Variants in TMEM221 observed in about 807,000 individuals in gnomAD.
TMEM221 encodes the protein transmembrane protein 221.
TMEM221 carries 11 observed loss-of-function variants against 10.2 expected under a neutral mutation model. The ratio of observed to expected loss-of-function variants is 1.08; its 90% CI spans 0.68 to 1.79. TMEM221 has a LOEUF of 1.79. Among genes scored for constraint, TMEM221 ranks in the 40% most tolerant of loss-of-function variants. The pLI, the probability that TMEM221 is intolerant of heterozygous loss-of-function variation, is 0.00. For missense variants in TMEM221, 382 were observed against 417.7 expected (o/e 0.91, Z 0.75); for synonymous variants, 172 against 199.8 (o/e 0.86, Z 1.18).
chr19:17,436,455 G>A lies in TMEM221; in HGVS notation c.*3C>T, dbSNP rs1251821530. The A allele has an allele frequency of 1.3e-6, 2 of 1,501,668 alleles. No individual in the cohort carries two copies. The highest frequency in any genetic ancestry group is 4.0e-5 in the Admixed American group (2 of 49,452). 93.0% of individuals were successfully genotyped at this position (1,501,668 alleles called of 1,614,324 possible). A position where few individuals can be genotyped will look rare whatever the true frequency, so the allele number is the denominator to read the frequency against. On this transcript the variant is annotated 3_prime_UTR_variant, in exon 3 of 3. Coordinates refer to ENST00000341130, the MANE Select transcript of TMEM221 (RefSeq NM_001190844.2). ...ACCAGGTCTCTATTCCTCATCCCTG[G>A]GCTCACACCAGTGTGGAGTCCTTCC...
intron 2 of TMEM221, among the ~76,000 whole-genome samples, chr19:17,442,378 C>A (rs185641934): frequency 6.6e-6 from 1 of 152,078 alleles, no homozygotes; most frequent in Non-Finnish European, 1.5e-5. Flanking sequence ...CTGCCTTCAG[C>A]CTCCTGAGTA....
chr19:17,441,515 G>C (rs2074931798), intron 2 of TMEM221, among the ~76,000 whole-genome samples: 1 of 152,156 alleles, frequency 6.6e-6, no homozygotes, highest in African/African-American at 2.4e-5. Flanking sequence ...TGGCATCAAT[G>C]ATGTCCTCAT....
At chr19:17,445,367 C>A in intron 1 of TMEM221, 83 bp from the exon 2 acceptor site, 1 of 1,186,552 alleles carries the variant, frequency 8.4e-7, no homozygotes, top group South Asian at 1.4e-5. Flanking sequence ...GGAGGGAGAG[C>A]CGCTTAAATG....
intron 2 of TMEM221, among the ~76,000 whole-genome samples, chr19:17,443,304 T>C (rs947303758): frequency 7.9e-6 from 1 of 126,622 alleles, no homozygotes; most frequent in Admixed American, 8.2e-5. Context: ...TTAATATATC[T>C]TTTTAAACAT....
At chr19:17,439,958 G>A (rs187177968) in intron 2 of TMEM221, among the ~76,000 whole-genome samples, 9 of 152,288 alleles carry the variant, frequency 5.9e-5, no homozygotes, top group Admixed American at 5.9e-4. Context: ...TGGAAGCCGA[G>A]GTGAGAGGTT....
At chr19:17,442,498 G>A (rs1349591606) in intron 2 of TMEM221, among the ~76,000 whole-genome samples, 2 of 150,182 alleles carry the variant, frequency 1.3e-5, no homozygotes, top group East Asian at 3.9e-4. Flanking sequence ...GGAGTGCAGT[G>A]GCATGATCTT....
chr19:17,447,619 C>T (rs1018139972), intron 1 of TMEM221, among the ~76,000 whole-genome samples: 7 of 152,200 alleles, frequency 4.6e-5, no homozygotes, highest in South Asian at 2.1e-4. Context: ...TGTGGGACAG[C>T]GGAGTCCTCA....
chr19:17,443,389 G>C (rs1328709438), intron 2 of TMEM221, among the ~76,000 whole-genome samples: 1 of 151,660 alleles, frequency 6.6e-6, no homozygotes, highest in South Asian at 2.1e-4. Flanking sequence ...GCAGTTGCAC[G>C]ATCTTGGCTC....
chr19:17,438,466 C>G (rs960545489), intron 2 of TMEM221, among the ~76,000 whole-genome samples: 1 of 152,192 alleles, frequency 6.6e-6, no homozygotes, highest in African/African-American at 2.4e-5. Flanking sequence ...GCAAGTGGTC[C>G]TCTAGCCTTG....
At chr19:17,438,472 C>A (rs988633108) in intron 2 of TMEM221, among the ~76,000 whole-genome samples, 1 of 152,140 alleles carries the variant, frequency 6.6e-6, no homozygotes, top group Non-Finnish European at 1.5e-5. Context: ...GGTCCTCTAG[C>A]CTTGGCCTGC....
In TMEM221 at chr19:17,442,478, C is replaced by T. The variant is rs538437279; in HGVS notation, c.406+2721G>A. Among the ~76,000 whole-genome samples the T allele has an allele frequency of 5.4e-5, 8 of 148,220 alleles. No individual in the cohort carries two copies. In the South Asian group the frequency reaches 1.3e-3, roughly 23 times the overall value. On this transcript the variant is annotated intron_variant, in intron 2 of 2. Transcript: ENST00000341130. ...TTTTTTAGATGGCATCTCACTCTGTCGCCCAGGCTGGAGTGCAGTGGCATG... is the reference window on the plus strand; with the variant it reads ...TTTTTTAGATGGCATCTCACTCTGTTGCCCAGGCTGGAGTGCAGTGGCATG...
Position 17,437,243 on chromosome 19 carries a change from A to G in TMEM221, c.407-316T>C, listed in dbSNP as rs8102835. Among the ~76,000 whole-genome samples, 1,026 of 152,262 alleles carry G rather than the reference A, an allele frequency of 6.7e-3. 12 individuals carry two copies. Among genetic ancestry groups the G allele is most frequent in the African/African-American group, 0.023 (970 of 41,550 alleles). The stretch of plus-strand genomic sequence containing the variant: ...AAGCACAGTGCTGCCTCCGAAGGAG[A>G]CAACAGAAAGAGACTAATTTCAGCA... On this transcript the variant is annotated intron_variant, in intron 2 of 2. Transcript: ENST00000341130.
In TMEM221 at chr19:17,448,152, C is replaced by G. The variant is rs1166439205; in HGVS notation, c.311G>C (p.Gly104Ala). 2.8e-6 allele frequency: 4 copies of G among 1,417,028 alleles called. No individual in the cohort carries two copies. The Admixed American group carries it at 1.2e-4, about 42-fold the overall frequency. 87.8% of individuals were successfully genotyped at this position (1,417,028 alleles called of 1,614,324 possible). A position where few individuals can be genotyped will look rare whatever the true frequency, so the allele number is the denominator to read the frequency against. The change falls in exon 1 of 3, where the codon GGC (glycine) becomes GCC (alanine). Residue 104 changes from glycine (G) to alanine (A), a missense_variant. By Grantham distance (60) the Gly-to-Ala change is moderately conservative. Transcript: ENST00000341130. This position sits in a 1 kb window ranked among gnomAD's most constrained non-coding sequence, Gnocchi z 4.7. The part of the protein sequence containing the change: ...HLGAELARGP[G>A]PRRSDWFLYD... Reference sequence around the variant, plus strand: ...AGGCCAGTCCTCCTACCTCCTGGGGCCAGGCCCCCGCGCCAGCTCGGCGCC... The same window carrying G: ...AGGCCAGTCCTCCTACCTCCTGGGGGCAGGCCCCCGCGCCAGCTCGGCGCC...
At position 17,448,302 on chromosome 19, in the gene TMEM221, C is replaced by T; in HGVS notation, c.161G>A (p.Gly54Asp). Residue 54 changes from glycine to aspartate, a missense_variant, in exon 1 of 3, where the codon GGC becomes GAC. Transcript: ENST00000341130. The surrounding 1 kb of genome is among the most constrained non-coding windows in gnomAD (Gnocchi z 4.7). ...GTCCTCTGGCAGCCCGGGGCCGGCG[C>T]CCAGCTCCTGGCCCAGCCCCTCGGC... Reference protein sequence around the residue: ...LRAEGLGQELGAGPGLPEDAA... With the variant: ...LRAEGLGQELDAGPGLPEDAA... 8.2e-7 allele frequency: 1 copy of T among 1,219,826 alleles called. No homozygotes were observed. Among genetic ancestry groups the T allele is most frequent in the Non-Finnish European group, 1.0e-6 (1 of 981,002 alleles). The allele number at this position is 1,219,826 out of a possible 1,614,324, so 75.6% of individuals were successfully genotyped here. A position where few individuals can be genotyped will look rare whatever the true frequency, so the allele number is the denominator to read the frequency against.
rs574744408 is a variant in TMEM221, at chr19:17,438,396, G to A, written c.407-1469C>T. On this transcript the variant is annotated intron_variant, in intron 2 of 2. Coordinates refer to ENST00000341130, the MANE Select transcript of TMEM221 (RefSeq NM_001190844.2). The stretch of plus-strand genomic sequence containing the variant: ...AGCCACTGGGCCCAGCCTGATTTTT[G>A]TATTTTTAGTAGAAACGGGGTTTCG... Among the ~76,000 whole-genome samples the A allele has an allele frequency of 3.3e-5, 5 of 151,610 alleles. No individual in the cohort carries two copies. In the South Asian group the frequency reaches 8.3e-4, roughly 25 times the overall value.
At position 17,448,157 on chromosome 19, in the gene TMEM221, C is replaced by A. The variant is rs1466249087; in HGVS notation, c.306G>T (p.Gly102=). 8 of 1,419,796 alleles carry A rather than the reference C, an allele frequency of 5.6e-6. No individual in the cohort carries two copies. Among genetic ancestry groups the A allele is most frequent in the Admixed American group, 2.9e-5 (1 of 34,082 alleles). The allele number at this position is 1,419,796 out of a possible 1,614,324, so 87.9% of individuals were successfully genotyped here. A position where few individuals can be genotyped will look rare whatever the true frequency, so the allele number is the denominator to read the frequency against. ...CGHLGAELAR[G]PGPRRSDWFL... ...AGTCCTCCTACCTCCTGGGGCCAGG[C>A]CCCCGCGCCAGCTCGGCGCCCAGGT... Residue 102 remains glycine, a synonymous_variant, in exon 1 of 3, where the codon GGG becomes GGT. Transcript: ENST00000341130. This position sits in a 1 kb window ranked among gnomAD's most constrained non-coding sequence, Gnocchi z 4.7.
chr19:17,440,760 G>T (rs1398029339), intron 2 of TMEM221, among the ~76,000 whole-genome samples: 1 of 152,134 alleles, frequency 6.6e-6, no homozygotes, highest in Non-Finnish European at 1.5e-5. Flanking sequence ...ATCTCTGTCT[G>T]TCTCTGCCTG....
At chr19:17,447,361 A>C (rs1161488627) in intron 1 of TMEM221, among the ~76,000 whole-genome samples, 2 of 152,124 alleles carry the variant, frequency 1.3e-5, no homozygotes, top group Non-Finnish European at 2.9e-5. Context: ...CCATGAGAGC[A>C]GGTCTGGGTC....
At chr19:17,446,259 T>C (rs1434455534) in intron 1 of TMEM221, among the ~76,000 whole-genome samples, 1 of 152,124 alleles carries the variant, frequency 6.6e-6, no homozygotes, top group Non-Finnish European at 1.5e-5. Context: ...ATCCATTCTC[T>C]TTCCCCTATA....
Sources: allele counts gnomAD v4.1 joint callset (sites outside exome capture counted in the v4.1 genomes callset), GRCh38; gene constraint gnomAD v4.1.1; non-coding constraint Gnocchi (gnomAD v3.1); transcripts MANE v1.5; gene names NCBI Gene and HGNC (gene_info 2026-07-23, HGNC 2026-07-21).